The following HMGA2 variants were observed in gnomAD, a reference collection of about 807,000 sequenced individuals.
HMGA2 encodes the protein high mobility group protein HMGI-C.
In HMGA2, 8 loss-of-function variants were observed where a neutral mutation model predicts 19.1. The ratio of observed to expected loss-of-function variants is 0.42; its 90% CI spans 0.25 to 0.76. HMGA2 has a LOEUF of 0.76. Among genes scored for constraint, HMGA2 ranks in the 30% least tolerant of loss-of-function variants. HMGA2 has a pLI of 0.28. For missense variants in HMGA2, 109 were observed against 136.3 expected (o/e 0.80, Z 1.00); for synonymous variants, 60 against 48.8 (o/e 1.23, Z -0.96).
intron 3 of HMGA2, among the ~76,000 whole-genome samples, chr12:65,899,468 T>A (rs1398967518): frequency 6.6e-6 from 1 of 152,216 alleles, no homozygotes; most frequent in African/African-American, 2.4e-5. Context: ...AAAATCTGCC[T>A]TGTGATATGA....
intron 3 of HMGA2, among the ~76,000 whole-genome samples, chr12:65,939,038 G>C (rs972080629): frequency 6.6e-6 from 1 of 152,184 alleles, no homozygotes; most frequent in African/African-American, 2.4e-5. Flanking sequence ...AGGAAGAAGA[G>C]CTACAAGAGG....
chr12:65,894,471 C>T (rs1021832813), intron 3 of HMGA2, among the ~76,000 whole-genome samples: 3 of 152,078 alleles, frequency 2.0e-5, no homozygotes, highest in East Asian at 1.9e-4. Flanking sequence ...TTTTGTTTTG[C>T]GCTTAAATTT....
chr12:65,825,204 T>C lies in HMGA2; in HGVS notation c.-67T>C. On this transcript the variant is annotated 5_prime_UTR_variant, in exon 1 of 5. Transcript: ENST00000403681. This position sits in a 1 kb window ranked among gnomAD's most constrained non-coding sequence, Gnocchi z 4.4. ...CCCTATCACCTCATCTCCCGAAAGG[T>C]GCTGGGCAGCTCCGGGGCGGTCGAG... 1.4e-6 allele frequency: 2 copies of C among 1,383,004 alleles called. No individual in the cohort carries two copies. Among genetic ancestry groups the C allele is most frequent in the Non-Finnish European group, 2.0e-6 (2 of 1,018,320 alleles). The allele number at this position is 1,383,004 out of a possible 1,614,324, so 85.7% of individuals were successfully genotyped here.
chr12:65,866,325 T>C (rs905927852), intron 3 of HMGA2, among the ~76,000 whole-genome samples: 10 of 152,264 alleles, frequency 6.6e-5, no homozygotes, highest in Non-Finnish European at 1.2e-4. Flanking sequence ...TCAAGCCTTA[T>C]AAGAGCAAAG....
At chr12:65,897,044 A>G (rs1874159296) in intron 3 of HMGA2, among the ~76,000 whole-genome samples, 1 of 152,250 alleles carries the variant, frequency 6.6e-6, no homozygotes, top group Admixed American at 6.5e-5. Flanking sequence ...GCAATAGTGA[A>G]GAAGTGAAAT....
intron 3 of HMGA2, among the ~76,000 whole-genome samples, chr12:65,934,101 A>G (rs1229469382): frequency 6.6e-6 from 1 of 152,230 alleles, no homozygotes; most frequent in Non-Finnish European, 1.5e-5. Flanking sequence ...AGAATAGGGA[A>G]TTCTCACATC....
chr12:65,871,225 T>C (rs1045241838), intron 3 of HMGA2, among the ~76,000 whole-genome samples: 7 of 152,176 alleles, frequency 4.6e-5, no homozygotes, highest in African/African-American at 1.7e-4. Context: ...AAGATTCAAA[T>C]TTCAGTATCA....
At chr12:65,827,690 A>G (rs1870275616) in intron 1 of HMGA2, among the ~76,000 whole-genome samples, 1 of 152,198 alleles carries the variant, frequency 6.6e-6, no homozygotes. Flanking sequence ...AGCCCTGTAA[A>G]CTTTACACCT....
rs745605177 is a variant in HMGA2, at chr12:65,963,281, G to C, written c.319G>C (p.Glu107Gln). 1 of 1,613,492 alleles carries C rather than the reference G, an allele frequency of 6.2e-7. No individual in the cohort carries two copies. Among genetic ancestry groups the C allele is most frequent in the Non-Finnish European group, 8.5e-7 (1 of 1,179,810 alleles). Residue 107 changes from glutamate to glutamine, a missense_variant, in exon 5 of 5, where the codon GAA becomes CAA. Glu to Gln is a conservative substitution (Grantham distance 29, BLOSUM62 2). Coordinates refer to ENST00000403681, the MANE Select transcript of HMGA2 (RefSeq NM_003483.6). ...AGAGACATCCTCACAAGAGTCTGCC[G>C]AAGAGGACTAGGGGGCGCCAACGTT... ...TEETSSQESAEED is the reference protein window; with the variant it reads ...TEETSSQESAQED
At chr12:65,946,924 T>C (rs909727963) in intron 3 of HMGA2, among the ~76,000 whole-genome samples, 3 of 152,218 alleles carry the variant, frequency 2.0e-5, no homozygotes, top group African/African-American at 7.2e-5. Flanking sequence ...TTTCTTAGCA[T>C]GTTGTACCCT....
intron 3 of HMGA2, among the ~76,000 whole-genome samples, chr12:65,895,073 G>T (rs1874069983): frequency 6.6e-6 from 1 of 152,118 alleles, no homozygotes; most frequent in African/African-American, 2.4e-5. Flanking sequence ...AACCACCTTT[G>T]CAATCACTTT....
intron 3 of HMGA2, among the ~76,000 whole-genome samples, chr12:65,865,247 G>A (rs1245598973): frequency 6.6e-6 from 1 of 152,192 alleles, no homozygotes; most frequent in East Asian, 1.9e-4. Flanking sequence ...GCTATTAGCA[G>A]TTAAGTTTTG....
chr12:65,833,800 A>G (rs1358366412), intron 2 of HMGA2, among the ~76,000 whole-genome samples: 1 of 152,178 alleles, frequency 6.6e-6, no homozygotes, highest in Non-Finnish European at 1.5e-5. Flanking sequence ...TTAATCTCCC[A>G]TTTGTAAAAC....
intron 3 of HMGA2, among the ~76,000 whole-genome samples, chr12:65,924,458 C>A (rs1301940006): frequency 1.3e-5 from 2 of 152,110 alleles, no homozygotes; most frequent in Non-Finnish European, 2.9e-5. Flanking sequence ...CCTACACACA[C>A]ACACACACAG....
intron 4 of HMGA2, among the ~76,000 whole-genome samples, chr12:65,962,625 A>G (rs1876782695): frequency 1.3e-5 from 2 of 152,162 alleles, no homozygotes; most frequent in African/African-American, 4.8e-5. Flanking sequence ...ACAGTGGTGT[A>G]GGGGTCACAC....
intron 3 of HMGA2, among the ~76,000 whole-genome samples, chr12:65,849,734 G>GTTTTTTTT (rs1309933646): frequency 1.9e-4 from 19 of 102,016 alleles, no homozygotes; most frequent in African/African-American, 6.5e-4. Context: ...GGTAGGCTCT[G>GTTTTTTTT]TATTTTTTTT....
intron 3 of HMGA2, among the ~76,000 whole-genome samples, chr12:65,891,930 C>T (rs1873929182): frequency 1.3e-5 from 2 of 152,350 alleles, no homozygotes; most frequent in South Asian, 2.1e-4. Flanking sequence ...TGTGTTTCAT[C>T]CTCTCTTGGC....
chr12:65,956,926 G>A (rs1876621736), intron 4 of HMGA2: 1 of 152,120 alleles, frequency 6.6e-6, no homozygotes, highest in African/African-American at 2.4e-5. Flanking sequence ...ATAGCAACTG[G>A]CTTTAAAACC....
intron 3 of HMGA2, among the ~76,000 whole-genome samples, chr12:65,944,206 C>T (rs1876183303): frequency 6.6e-6 from 1 of 152,126 alleles, no homozygotes; most frequent in Non-Finnish European, 1.5e-5. Context: ...ACTGAACTCC[C>T]CTATATCTGA....
Sources: allele counts gnomAD v4.1 joint callset (sites outside exome capture counted in the v4.1 genomes callset), GRCh38; gene constraint gnomAD v4.1.1; non-coding constraint Gnocchi (gnomAD v3.1); transcripts MANE v1.5; gene names NCBI Gene and HGNC (gene_info 2026-07-23, HGNC 2026-07-21).